LAT2: variants seen among roughly 807,000 people sequenced by gnomAD.
LAT2 encodes linker for activation of T cells family member 2.
In LAT2, 23 loss-of-function variants were observed where a neutral mutation model predicts 43.4. The observed-to-expected ratio is 0.53, with a 90% CI of 0.38 to 0.75. The LOEUF (loss-of-function observed/expected upper bound fraction) is 0.75. Among genes scored for constraint, LAT2 ranks in the 30% least tolerant of loss-of-function variants. LAT2 has a pLI of 0.00. For synonymous variants in LAT2, 128 were observed against 123.2 expected, an observed-to-expected ratio of 1.04 and a Z score of -0.26; for missense variants, 284 against 310.2, an observed-to-expected ratio of 0.92 and a Z score of 0.64.
Position 74,220,451 on chromosome 7 carries a change from C to A in LAT2, c.266-133C>A. The A allele has an allele frequency of 7.8e-7, 1 of 1,284,512 alleles. No individual in the cohort carries two copies. Among genetic ancestry groups the A allele is most frequent in the South Asian group, 1.2e-5 (1 of 80,352 alleles). The allele number at this position is 1,284,512 out of a possible 1,614,324, so 79.6% of individuals were successfully genotyped here. A position where few individuals can be genotyped will look rare whatever the true frequency, so the allele number is the denominator to read the frequency against. Reference sequence around the variant, plus strand: ...GGGAGGGTGCACACTCGCACATGCCCCACTGAGGGGACAGGGAGCACTGCA... The same window carrying A: ...GGGAGGGTGCACACTCGCACATGCCACACTGAGGGGACAGGGAGCACTGCA... On this transcript the variant is annotated intron_variant, in intron 7 of 13. Transcript: ENST00000460943. The surrounding 1 kb of genome is among the most constrained non-coding windows in gnomAD (Gnocchi z 4.5).
chr7:74,222,262 A>G (rs1238265469), intron 10 of LAT2, among the ~76,000 whole-genome samples: 7 of 149,666 alleles, frequency 4.7e-5, no homozygotes, highest in South Asian at 4.2e-4. Flanking sequence ...TTAGCCAGGC[A>G]TGGTGGCACA....
Position 74,229,423 on chromosome 7 carries a change from T to G in LAT2, c.*498T>G, listed in dbSNP as rs1802609928. The G allele has an allele frequency of 6.5e-6, 1 of 152,696 alleles. No homozygotes were observed. 9.5% of individuals were successfully genotyped at this position (152,696 alleles called of 1,614,324 possible). ...CTGGATTTCAGAGTAGAGATTTCTG[T>G]GTTGTCTCCTAGAAAGCATTACATG... is the stretch of plus-strand genomic sequence containing the variant. On this transcript the variant is annotated 3_prime_UTR_variant, in exon 14 of 14. Transcript: ENST00000460943.
At chr7:74,224,319 T>C in intron 12 of LAT2, 122 bp downstream of exon 12, 2 of 1,079,966 alleles carry the variant, frequency 1.9e-6, no homozygotes, top group African/African-American at 1.5e-5. Context: ...CAGTGATGCC[T>C]GGGTGCAGGA....
intron 1 of LAT2, among the ~76,000 whole-genome samples, chr7:74,211,023 T>A (rs1250122583): frequency 2.0e-5 from 3 of 152,078 alleles, no homozygotes; most frequent in African/African-American, 7.2e-5. Flanking sequence ...CCCCGAGAAC[T>A]TCCCCGAAGC....
rs199557204 is a variant in LAT2, at chr7:74,223,764, G to A, written c.429G>A (p.Lys143=). 2 of 1,613,968 alleles carry A rather than the reference G, an allele frequency of 1.2e-6. No homozygotes were observed. Among genetic ancestry groups the A allele is most frequent in the Admixed American group, 1.7e-5 (1 of 60,008 alleles). ...CCTACGAGAATGTGCTCATTTGCAA[G>A]CAGAAAACCACAGAGACAGGTGAGG... The part of the protein sequence containing the change: ...ANSYENVLIC[K]QKTTETGAQQ... Residue 143 remains lysine, a synonymous_variant, in exon 11 of 14, where the codon AAG becomes AAA. Coordinates refer to ENST00000460943, the MANE Select transcript of LAT2 (RefSeq NM_032464.3).
chr7:74,221,638 G>A lies in LAT2; in HGVS notation c.334G>A (p.Asp112Asn), dbSNP rs370720266. Residue 112 changes from aspartate to asparagine, a missense_variant and splice_region_variant, in exon 10 of 14, where the codon GAC becomes AAC. Coordinates refer to ENST00000460943, the MANE Select transcript of LAT2 (RefSeq NM_032464.3). ...TGTTGTATATGTTTTCTTGGCCAGAGACCCCATTGCCATGGAGTATTACAA... is the reference window on the plus strand; with the variant it reads ...TGTTGTATATGTTTTCTTGGCCAGAAACCCCATTGCCATGGAGTATTACAA... ...SRHGSEEAYI[D>N]PIAMEYYNWG... The A allele has an allele frequency of 1.9e-6, 3 of 1,613,084 alleles. No individual in the cohort carries two copies. Among genetic ancestry groups the A allele is most frequent in the Non-Finnish European group, 2.5e-6 (3 of 1,179,360 alleles).
At chr7:74,212,549 C>T (rs192392201) in intron 1 of LAT2, among the ~76,000 whole-genome samples, 5 of 152,266 alleles carry the variant, frequency 3.3e-5, no homozygotes, top group Admixed American at 2.0e-4. Context: ...ATTGGGATTA[C>T]AGGTGTGAGT....
intron 10 of LAT2, among the ~76,000 whole-genome samples, 175 bp downstream of exon 10, chr7:74,221,867 G>A (rs1478930772): frequency 2.0e-5 from 3 of 151,860 alleles, no homozygotes; most frequent in Non-Finnish European, 2.9e-5. Flanking sequence ...GATAGGGGGC[G>A]GGCGGGTCAG....
At chr7:74,216,198 C>A in intron 3 of LAT2, 129 bp downstream of exon 3, 2 of 694,942 alleles carry the variant, frequency 2.9e-6, no homozygotes, top group African/African-American at 1.8e-5. Context: ...GACCCCTGAC[C>A]CCTAAACTGC....
chr7:74,226,927 A>G (rs2116202460), intron 13 of LAT2, among the ~76,000 whole-genome samples: 1 of 148,134 alleles, frequency 6.8e-6, no homozygotes, highest in South Asian at 2.3e-4. Flanking sequence ...GGGGCCAGGG[A>G]GGAGCAGGTG....
chr7:74,214,113 AAAATATATATAT>A (rs1304077097), intron 1 of LAT2, among the ~76,000 whole-genome samples: 29 of 110,606 alleles, frequency 2.6e-4, no homozygotes, highest in Non-Finnish European at 4.4e-4. Context: ...TATATATATG[AAAATATATATAT>A]AAATATATAT....
rs781927443 is a variant in LAT2, at chr7:74,221,676, C to A, written c.372C>A (p.Phe124Leu). The A allele has an allele frequency of 3.7e-6, 6 of 1,613,058 alleles. No homozygotes were observed. Among genetic ancestry groups the A allele is most frequent in the Non-Finnish European group, 4.2e-6 (5 of 1,179,524 alleles). ...TGGAGTATTACAACTGGGGGCGGTT[C>A]TCGAAGCCCCCAGAAGGTGAGGCGA... ...IAMEYYNWGR[F>L]SKPPEDDDAN... Residue 124 changes from phenylalanine (F) to leucine (L), a missense_variant, in exon 10 of 14, where the codon TTC (phenylalanine) becomes TTA (leucine). By Grantham distance (22) the Phe-to-Leu change is conservative. Transcript: ENST00000460943.
rs1026923182 is a variant in LAT2 at position 74,215,027 on chromosome 7, T to G, written c.-30+17T>G. 5 of 151,784 alleles carry G rather than the reference T, an allele frequency of 3.3e-5. No homozygotes were observed. The highest frequency in any genetic ancestry group is 1.2e-4 in the African/African-American group (5 of 41,404). 9.4% of individuals were successfully genotyped at this position (151,784 alleles called of 1,614,324 possible). A position where few individuals can be genotyped will look rare whatever the true frequency, so the allele number is the denominator to read the frequency against. On this transcript the variant is annotated intron_variant, in intron 2 of 13. Transcript: ENST00000460943. The stretch of plus-strand genomic sequence containing the variant: ...CAGGCCACGGTGGGTGGTGTGCGTA[T>G]GTTTTGCTGAGGCCTGGTCATCACG...
Position 74,224,207 on chromosome 7 carries a change from C to T in LAT2, c.628+10C>T, listed in dbSNP as rs781809820. ...TCCAGGAAGGTCATGGGTAGGTGGC[C>T]GGGAGAAGAGGCAGGGTGGTCCACT... On this transcript the variant is annotated intron_variant, in intron 12 of 13. Transcript: ENST00000460943. 20 of 1,611,162 alleles carry T rather than the reference C, an allele frequency of 1.2e-5. No homozygotes were observed. The highest frequency in any genetic ancestry group is 1.1e-4 in the East Asian group (5 of 44,890).
chr7:74,214,163 A>AAAATATATATATGAAAATATATAT (rs1554713677), intron 1 of LAT2, among the ~76,000 whole-genome samples: 26 of 71,662 alleles, frequency 3.6e-4, no homozygotes, highest in South Asian at 3.4e-3. Flanking sequence ...TATATATATG[A>AAAATATATATATGAAAATATATAT]AAATATATAT....
In LAT2 at chr7:74,220,974, C is replaced by T. The variant is rs1802251124; in HGVS notation, c.332+240C>T. 6.6e-6 allele frequency among the ~76,000 whole-genome samples: 1 copy of T among 152,170 alleles called. No individual in the cohort carries two copies. The highest frequency in any genetic ancestry group is 6.5e-5 in the Admixed American group (1 of 15,274). On this transcript the variant is annotated intron_variant, in intron 9 of 13. Transcript: ENST00000460943. The surrounding 1 kb of genome is among the most constrained non-coding windows in gnomAD (Gnocchi z 4.5). The stretch of plus-strand genomic sequence containing the variant: ...GTTTGGGGGACTGGACTTTGCCCTG[C>T]TCTGGGACACAGAGTGTCAGGGGCG...
At chr7:74,224,841 A>G (rs1489861245) in intron 13 of LAT2, 81 bp downstream of exon 13, 4 of 1,070,614 alleles carry the variant, frequency 3.7e-6, no homozygotes, top group Non-Finnish European at 5.3e-6. Flanking sequence ...CCAAGGGAAC[A>G]GCCGAGAGTG....
intron 10 of LAT2, among the ~76,000 whole-genome samples, chr7:74,223,406 C>G (rs1334766264): frequency 1.3e-5 from 2 of 152,122 alleles, no homozygotes; most frequent in East Asian, 1.9e-4. Context: ...GTAGGAAGAT[C>G]GTTTGAGCCG....
chr7:74,214,605 TATATAAATATATATATGA>T (rs1554713875), intron 1 of LAT2, among the ~76,000 whole-genome samples, 199 bp from the exon 2 acceptor site: 9 of 760 alleles, frequency 0.012, 3 homozygotes, highest in African/African-American at 0.05. Flanking sequence ...TATGAAAATA[TATATAAATATATATATGA>T]ATATATATAT....
Sources: allele counts gnomAD v4.1 joint callset (sites outside exome capture counted in the v4.1 genomes callset), GRCh38; gene constraint gnomAD v4.1.1; non-coding constraint Gnocchi (gnomAD v3.1); transcripts MANE v1.5; gene names NCBI Gene and HGNC (gene_info 2026-07-23, HGNC 2026-07-21).